The following BLK variants were observed in gnomAD, a reference collection of about 807,000 sequenced individuals.
BLK encodes tyrosine-protein kinase Blk.
A neutral mutation model predicts 61.8 loss-of-function variants in BLK; 64 were observed. The observed-to-expected ratio is 1.03, with a 90% confidence interval of 0.85 to 1.27. The LOEUF (loss-of-function observed/expected upper bound fraction) is 1.27. BLK is among the 50% of genes most tolerant of loss of function. The pLI is 0.00. For missense variants in BLK, 853 were observed against 660.5 expected (o/e 1.29, Z -3.19); for synonymous variants, 351 against 272.0 (o/e 1.29, Z -2.86).
intron 1 of BLK, among the ~76,000 whole-genome samples, chr8:11,520,621 C>G (rs1203431649): frequency 2.0e-5 from 3 of 151,704 alleles, no homozygotes; most frequent in African/African-American, 7.3e-5. Flanking sequence ...TCCTAGATAT[C>G]TTCTGCAAGC....
intron 1 of BLK, among the ~76,000 whole-genome samples, chr8:11,503,534 G>C (rs1012276755): frequency 2.6e-5 from 4 of 152,164 alleles, no homozygotes; most frequent in Admixed American, 6.5e-5. Context: ...GCCTTATACA[G>C]GGTGACCCTT....
At chr8:11,560,502 A>T (rs1485569455) in intron 10 of BLK, 1 of 247,366 alleles carries the variant, frequency 4.0e-6, no homozygotes, top group East Asian at 1.1e-4. Flanking sequence ...TTGAAGTCGC[A>T]TGTCTGAAGA....
chr8:11,563,199 C>T (rs1360003438), intron 12 of BLK, 89 bp downstream of exon 12: 1 of 1,578,452 alleles, frequency 6.3e-7, no homozygotes, highest in Admixed American at 1.7e-5. Context: ...TGTGGCTGCC[C>T]TGTTCTTTTC....
rs1416829978 is a variant in BLK at position 11,564,033 on chromosome 8, C to G, written c.1443C>G (p.Pro481=). 2 of 1,604,314 alleles carry G rather than the reference C, an allele frequency of 1.2e-6. No homozygotes were observed. The highest frequency in any genetic ancestry group is 1.7e-6 in the Non-Finnish European group (2 of 1,178,710). Residue 481 remains proline, a synonymous_variant, in exon 13 of 13, where the codon CCC becomes CCG. Coordinates refer to ENST00000259089, the MANE Select transcript of BLK (RefSeq NM_001715.3). ...ECWRSRPEER[P]TFEFLQSVLE... ...GGCGCAGCCGGCCCGAGGAGCGGCC[C>G]ACCTTCGAGTTCCTGCAGTCGGTGC... is the stretch of plus-strand genomic sequence containing the variant.
At chr8:11,529,820 T>C (rs1410681585) in intron 1 of BLK, among the ~76,000 whole-genome samples, 1 of 152,204 alleles carries the variant, frequency 6.6e-6, no homozygotes, top group East Asian at 1.9e-4. Context: ...TCTCTTTCAC[T>C]GTCTCAGTTG....
intron 1 of BLK, among the ~76,000 whole-genome samples, chr8:11,542,069 A>G (rs959555249): frequency 6.6e-6 from 1 of 152,142 alleles, no homozygotes; most frequent in African/African-American, 2.4e-5. Context: ...TTCTTTTTCA[A>G]GGTGGGTTTG....
At chr8:11,545,793 G>A in intron 2 of BLK, 1 of 535,184 alleles carries the variant, frequency 1.9e-6, no homozygotes, top group Non-Finnish European at 3.4e-6. Context: ...TTCCCTCATT[G>A]TCCACAGCTG....
intron 1 of BLK, among the ~76,000 whole-genome samples, chr8:11,512,530 T>C (rs1008528882): frequency 6.6e-6 from 1 of 152,242 alleles, no homozygotes; most frequent in Non-Finnish European, 1.5e-5. Context: ...CAAATTATTT[T>C]AGTATTATCA....
chr8:11,555,014 G>A, intron 7 of BLK, 125 bp downstream of exon 7: 2 of 1,420,124 alleles, frequency 1.4e-6, no homozygotes, highest in Non-Finnish European at 1.9e-6. Context: ...CCCAAAGTTA[G>A]GCCTAAGGAG....
intron 1 of BLK, among the ~76,000 whole-genome samples, chr8:11,535,467 G>A (rs762856067): frequency 3.3e-5 from 5 of 152,184 alleles, no homozygotes; most frequent in Non-Finnish European, 7.4e-5. Context: ...ATCTTCATGT[G>A]TTTGGAAAAA....
At chr8:11,506,148 C>T (rs1273605546) in intron 1 of BLK, among the ~76,000 whole-genome samples, 2 of 152,186 alleles carry the variant, frequency 1.3e-5, no homozygotes, top group South Asian at 2.1e-4. Flanking sequence ...CCTGAGGTCA[C>T]GCAGAAGGTT....
rs902844546 is a variant in BLK at position 11,545,855 on chromosome 8, G to C, written c.124-197G>C. 4.5e-6 allele frequency: 3 copies of C among 673,664 alleles called. No individual in the cohort carries two copies. The African/African-American group carries it at 5.3e-5, about 12-fold the overall frequency. The allele number at this position is 673,664 out of a possible 1,614,324, so 41.7% of individuals were successfully genotyped here. ...CAGCGCGGTCAGGGCAAAGGCAGCA[G>C]AGGGCGGGGGTCTGTCTGAGGGTAG... On this transcript the variant is annotated intron_variant, in intron 2 of 12. Coordinates refer to ENST00000259089, the MANE Select transcript of BLK (RefSeq NM_001715.3).
intron 1 of BLK, among the ~76,000 whole-genome samples, chr8:11,541,544 CT>C (rs1312810415): frequency 1.3e-5 from 2 of 150,784 alleles, no homozygotes; most frequent in African/African-American, 4.9e-5. Context: ...GTTGCCCAGG[CT>C]GGAGTGCAAT....
intron 1 of BLK, among the ~76,000 whole-genome samples, chr8:11,501,967 A>G (rs1007418646): frequency 1.1e-4 from 16 of 152,248 alleles, no homozygotes; most frequent in African/African-American, 3.6e-4. Flanking sequence ...TAGAAAATCC[A>G]TGAAACAAAT....
intron 6 of BLK, chr8:11,553,204 A>C (rs982876879): frequency 1.1e-5 from 2 of 185,990 alleles, no homozygotes; most frequent in Admixed American, 1.2e-4. Flanking sequence ...AGTGAGTTCT[A>C]CCCTTCGTGG....
At position 11,564,552 on chromosome 8, in the gene BLK, C is replaced by A. The variant is rs376203568; in HGVS notation, c.*444C>A. 129 of 459,010 alleles carry A rather than the reference C, an allele frequency of 2.8e-4. 1 individual carries two copies. The East Asian group carries it at 4.9e-3, about 18-fold the overall frequency. 28.4% of individuals were successfully genotyped at this position (459,010 alleles called of 1,614,324 possible). ...GCAGGGGCAGCCCCAGCCTAGGCTG[C>A]GCTCCAGCACTGCGGGGCTTTTCTG... On this transcript the variant is annotated 3_prime_UTR_variant, in exon 13 of 13. Coordinates refer to ENST00000259089, the MANE Select transcript of BLK (RefSeq NM_001715.3).
chr8:11,535,691 C>T (rs78161669), intron 1 of BLK, among the ~76,000 whole-genome samples: 2,480 of 152,282 alleles, frequency 0.016, 31 homozygotes, highest in Middle Eastern at 0.034. Flanking sequence ...GCCTGAGCCT[C>T]GACCTATCTT....
chr8:11,540,212 T>A (rs1464019390), intron 1 of BLK, among the ~76,000 whole-genome samples: 3 of 152,198 alleles, frequency 2.0e-5, no homozygotes, highest in South Asian at 2.1e-4. Context: ...TTTAATATCA[T>A]GTGAGGTAGG....
intron 1 of BLK, among the ~76,000 whole-genome samples, chr8:11,504,181 G>T (rs1448258168): frequency 6.6e-6 from 1 of 152,046 alleles, no homozygotes; most frequent in Non-Finnish European, 1.5e-5. Flanking sequence ...AATTAGCTGG[G>T]TGTGGTGGTG....
Sources: allele counts gnomAD v4.1 joint callset (sites outside exome capture counted in the v4.1 genomes callset), GRCh38; gene constraint gnomAD v4.1.1; transcripts MANE v1.5; gene names NCBI Gene and HGNC (gene_info 2026-07-23, HGNC 2026-07-21).